DMD: variants seen among roughly 807,000 people sequenced by gnomAD.
DMD encodes the protein dystrophin.
A neutral mutation model predicts 330.1 loss-of-function variants in DMD; 63 were observed. The ratio of observed to expected loss-of-function variants is 0.19; its 90% CI spans 0.16 to 0.24. The LOEUF (loss-of-function observed/expected upper bound fraction) is 0.24. Ranked by LOEUF, DMD falls within the 10% of genes least tolerant of loss-of-function variation. The pLI is 1.00. For synonymous variants in DMD, 1,223 were observed against 959.8 expected, an observed-to-expected ratio of 1.27 and a Z score of -5.07; for missense variants, 3,344 against 2,684.1, an observed-to-expected ratio of 1.25 and a Z score of -5.43.
intron 55 of DMD, among the ~76,000 whole-genome samples, chrX:31,559,046 A>G (rs998752620): frequency 5.3e-5 from 6 of 112,362 alleles, no homozygotes; most frequent in Non-Finnish European, 1.1e-4. Flanking sequence ...AAAAATGAAG[A>G]GATGACACTG....
intron 1 of DMD, among the ~76,000 whole-genome samples, chrX:33,079,157 A>C (rs767541470): frequency 3.8e-4 from 42 of 111,358 alleles, no homozygotes; most frequent in Admixed American, 3.5e-3. Context: ...CGGTCTCCCG[A>C]GTAGCTGGGA....
chrX:32,859,944 T>C (rs1222085610), intron 2 of DMD, among the ~76,000 whole-genome samples: 1 of 111,862 alleles, frequency 8.9e-6, no homozygotes, highest in Non-Finnish European at 1.9e-5. Context: ...TCAGTTCATT[T>C]TATGACTAAG....
intron 26 of DMD, among the ~76,000 whole-genome samples, chrX:32,449,931 C>T (rs1359379028): frequency 9.0e-6 from 1 of 110,990 alleles, no homozygotes; most frequent in Non-Finnish European, 1.9e-5. Flanking sequence ...TTATTAATCC[C>T]AGCAAACACT....
intron 2 of DMD, among the ~76,000 whole-genome samples, chrX:32,862,687 A>C: frequency 8.9e-6 from 1 of 111,784 alleles, no homozygotes; most frequent in Non-Finnish European, 1.9e-5. Flanking sequence ...ATCCATGATT[A>C]TACTAATTAC....
intron 54 of DMD, among the ~76,000 whole-genome samples, chrX:31,635,623 T>G (rs1245044178): frequency 8.9e-6 from 1 of 111,740 alleles, no homozygotes; most frequent in Admixed American, 9.5e-5. Context: ...GAAATAAACT[T>G]ATAGTAGAGT....
At chrX:31,228,776 GA>G (rs1245551184) in intron 63 of DMD, among the ~76,000 whole-genome samples, 8 of 111,966 alleles carry the variant, frequency 7.1e-5, no homozygotes, top group Non-Finnish European at 1.9e-5. Flanking sequence ...GACTATCCAA[GA>G]AACCAGTTAC....
At chrX:32,245,268 T>C in intron 43 of DMD, among the ~76,000 whole-genome samples, 1 of 79,169 alleles carries the variant, frequency 1.3e-5, no homozygotes. Context: ...GATCAGATAG[T>C]TGTAGGTATG....
chrX:32,771,978 TCTGA>T (rs777173624), intron 7 of DMD, among the ~76,000 whole-genome samples: 11 of 112,076 alleles, frequency 9.8e-5, no homozygotes, highest in Admixed American at 4.7e-4. Flanking sequence ...ATTTTGATAC[TCTGA>T]CTATGCCATA....
intron 44 of DMD, among the ~76,000 whole-genome samples, chrX:32,147,692 A>C (rs1160286111): frequency 9.0e-6 from 1 of 110,835 alleles, no homozygotes; most frequent in East Asian, 2.8e-4. Flanking sequence ...GTTAGCATAG[A>C]AAAAGCAGCC....
In DMD at chrX:31,875,287, A is replaced by G; in HGVS notation, c.6999T>C (p.Leu2333=). The change falls in exon 48 of 79, where the codon CTT becomes CTC. Residue 2333 remains leucine, a synonymous_variant. Transcript: ENST00000357033. Reference sequence around the variant, plus strand: ...GCAGCAGATGATTTAACTGCTCTTCAAGGTCTTCAAGCTTTTTTTCAAGCT... The same window carrying G: ...GCAGCAGATGATTTAACTGCTCTTCGAGGTCTTCAAGCTTTTTTTCAAGCT... The part of the protein sequence containing the change: ...LGQLEKKLED[L]EEQLNHLLLW... The G allele has an allele frequency of 8.3e-7, 1 of 1,205,305 alleles. No individual in the cohort carries two copies. Among genetic ancestry groups the G allele is most frequent in the African/African-American group, 1.7e-5 (1 of 57,421 alleles).
intron 20 of DMD, among the ~76,000 whole-genome samples, chrX:32,487,406 A>C (rs1470744261): frequency 8.9e-6 from 1 of 111,830 alleles, no homozygotes; most frequent in African/African-American, 3.2e-5. Context: ...ACAACAGGAA[A>C]ATTGAAATTT....
intron 44 of DMD, among the ~76,000 whole-genome samples, chrX:32,029,107 T>A (rs1403348725): frequency 9.0e-6 from 1 of 110,847 alleles, no homozygotes; most frequent in Non-Finnish European, 1.9e-5. Context: ...ATGCCAGAGA[T>A]CAAGCAGGTG....
At chrX:31,125,471 C>G (rs1460057217) in intron 78 of DMD, among the ~76,000 whole-genome samples, 1 of 111,868 alleles carries the variant, frequency 8.9e-6, no homozygotes, top group Non-Finnish European at 1.9e-5. Context: ...AGTGGTCTCT[C>G]CAGTCCATCC....
At chrX:32,504,547 A>T (rs2044419537) in intron 18 of DMD, among the ~76,000 whole-genome samples, 1 of 110,859 alleles carries the variant, frequency 9.0e-6, no homozygotes, top group Non-Finnish European at 1.9e-5. Context: ...AAATCCCTTG[A>T]ACCCGGGAGG....
At chrX:32,190,139 G>C (rs2096966454) in intron 44 of DMD, among the ~76,000 whole-genome samples, 1 of 110,714 alleles carries the variant, frequency 9.0e-6, no homozygotes, top group Admixed American at 9.7e-5. Flanking sequence ...AATGGGCAGA[G>C]GTCAGTTGTG....
chrX:32,096,936 A>G (rs918145031), intron 44 of DMD, among the ~76,000 whole-genome samples: 9 of 111,966 alleles, frequency 8.0e-5, no homozygotes, highest in Middle Eastern at 4.6e-3. Context: ...CTACTAGAAT[A>G]ACGACAGCTT....
intron 16 of DMD, among the ~76,000 whole-genome samples, chrX:32,557,999 T>C (rs1207295717): frequency 9.1e-6 from 1 of 110,457 alleles, no homozygotes; most frequent in Non-Finnish European, 1.9e-5. Context: ...ATAAAATTTC[T>C]TGAATAAGTA....
chrX:31,624,349 T>A (rs1357603872), intron 55 of DMD, among the ~76,000 whole-genome samples: 1 of 111,929 alleles, frequency 8.9e-6, no homozygotes, highest in Non-Finnish European at 1.9e-5. Flanking sequence ...CGGGAGGAAA[T>A]TCTAATGTCT....
chrX:31,550,329 G>A (rs967507535), intron 55 of DMD, among the ~76,000 whole-genome samples: 1 of 111,874 alleles, frequency 8.9e-6, no homozygotes, highest in Admixed American at 9.5e-5. Flanking sequence ...CTGTACTAGG[G>A]AAGGGTGGGG....
Sources: allele counts gnomAD v4.1 joint callset (sites outside exome capture counted in the v4.1 genomes callset), GRCh38; gene constraint gnomAD v4.1.1; transcripts MANE v1.5; gene names NCBI Gene and HGNC (gene_info 2026-07-23, HGNC 2026-07-21).